The following NME7 variants were observed in gnomAD, a reference collection of about 807,000 sequenced individuals.
The protein encoded by NME7 is NME/NM23 family member 7.
A neutral mutation model predicts 49.1 loss-of-function variants in NME7; 41 were observed. That is an observed-to-expected ratio of 0.83 (90% CI 0.65 to 1.08). NME7 has a LOEUF of 1.08. Among genes scored for constraint, NME7 ranks in the 50% least tolerant of loss-of-function variants. NME7 has a pLI of 0.00. For missense variants in NME7, 423 were observed against 463.4 expected, an observed-to-expected ratio of 0.91 and a Z score of 0.80; for synonymous variants, 139 against 150.6, an observed-to-expected ratio of 0.92 and a Z score of 0.56.
rs548876016 is a variant in NME7, at chr1:169,252,270, G to A, written c.755-14583C>T. 9.2e-5 allele frequency among the ~76,000 whole-genome samples: 14 copies of A among 151,664 alleles called. No individual in the cohort carries two copies. In the East Asian group the frequency reaches 1.9e-3, roughly 21 times the overall value. ...TTGCCATTCTAACTGGTGTGAGATG[G>A]TATCTCATTGTGGTTTTGATTTGCA... On this transcript the variant is annotated intron_variant, in intron 7 of 11. Transcript: ENST00000367811.
rs1333318632 is a variant in NME7 at position 169,298,664 on chromosome 1, G to A, written c.540C>T (p.Asn180=). ...CEWKRLLGPA[N]SGVARTDASE... The stretch of plus-strand genomic sequence containing the variant: ...AAGCATCTGTGCGTGCCACTCCAGA[G>A]TTTGCAGGTCCCAGCAGTCTTTTCC... Residue 180 remains asparagine, a synonymous_variant, in exon 6 of 12, where the codon AAC becomes AAT. Coordinates refer to ENST00000367811, the MANE Select transcript of NME7 (RefSeq NM_013330.5). 6.2e-7 allele frequency: 1 copy of A among 1,613,912 alleles called. No homozygotes were observed. Among genetic ancestry groups the A allele is most frequent in the Non-Finnish European group, 8.5e-7 (1 of 1,179,908 alleles).
intron 7 of NME7, among the ~76,000 whole-genome samples, chr1:169,248,391 GTA>G (rs1203604116): frequency 6.6e-6 from 1 of 152,002 alleles, no homozygotes; most frequent in Non-Finnish European, 1.5e-5. Context: ...TTTGCTAGAT[GTA>G]TAGTTTGCAG....
intron 11 of NME7, among the ~76,000 whole-genome samples, chr1:169,142,915 G>A (rs374259783): frequency 4.1e-4 from 63 of 152,296 alleles, no homozygotes; most frequent in African/African-American, 1.5e-3. Flanking sequence ...CAGCTCATTT[G>A]TAGGGGAGTC....
In NME7 at chr1:169,323,807, T is replaced by C. The variant is rs943956265; in HGVS notation, c.112-524A>G. On this transcript the variant is annotated intron_variant, in intron 2 of 11. Coordinates refer to ENST00000367811, the MANE Select transcript of NME7 (RefSeq NM_013330.5). ...TCTATAATCACTTGTTTATTTCTTA[T>C]CCAAAACATGAATAATCCCATTTCA... Among the ~76,000 whole-genome samples, 12 of 151,094 alleles carry C rather than the reference T, an allele frequency of 7.9e-5. No individual in the cohort carries two copies. The South Asian group carries it at 1.3e-3, about 16-fold the overall frequency.
chr1:169,178,312 G>A (rs745410234), intron 10 of NME7, among the ~76,000 whole-genome samples: 4 of 152,100 alleles, frequency 2.6e-5, no homozygotes, highest in Non-Finnish European at 5.9e-5. Flanking sequence ...GAATTCTTGC[G>A]ATGTGGAAGT....
intron 11 of NME7, among the ~76,000 whole-genome samples, chr1:169,154,610 C>T (rs1275337430): frequency 6.6e-6 from 1 of 151,874 alleles, no homozygotes; most frequent in Non-Finnish European, 1.5e-5. Flanking sequence ...CCAGCCTGGC[C>T]AATATGGTAA....
intron 11 of NME7, among the ~76,000 whole-genome samples, chr1:169,164,166 G>C (rs1659337027): frequency 6.6e-6 from 1 of 151,222 alleles, no homozygotes; most frequent in East Asian, 1.9e-4. Context: ...TCAGTATTTA[G>C]AAAACTGGCT....
At chr1:169,312,544 C>T (rs989339954) in intron 3 of NME7, among the ~76,000 whole-genome samples, 2 of 152,152 alleles carry the variant, frequency 1.3e-5, no homozygotes, top group African/African-American at 4.8e-5. Context: ...AACTTCTTAG[C>T]AATACACGGT....
intron 10 of NME7, among the ~76,000 whole-genome samples, chr1:169,177,058 A>G (rs1659774780): frequency 6.6e-6 from 1 of 152,162 alleles, no homozygotes; most frequent in East Asian, 1.9e-4. Context: ...GGCATTCTTA[A>G]TATCTCCCCG....
At chr1:169,281,513 G>C (rs2101888887) in intron 7 of NME7, among the ~76,000 whole-genome samples, 1 of 152,290 alleles carries the variant, frequency 6.6e-6, no homozygotes, top group Non-Finnish European at 1.5e-5. Flanking sequence ...GTGAGAGAGG[G>C]CATCCTTGTC....
intron 1 of NME7, among the ~76,000 whole-genome samples, chr1:169,359,254 AT>A (rs1459899558): frequency 6.6e-6 from 1 of 151,802 alleles, no homozygotes; most frequent in African/African-American, 2.4e-5. Context: ...CTTTGTTTTT[AT>A]TTGTATTTTT....
chr1:169,151,245 C>T (rs1367647324), intron 11 of NME7, among the ~76,000 whole-genome samples: 1 of 152,132 alleles, frequency 6.6e-6, no homozygotes, highest in African/African-American at 2.4e-5. Context: ...CCTGGGCCAG[C>T]CCTTCACCAA....
At chr1:169,216,478 A>G (rs2101800518) in intron 10 of NME7, among the ~76,000 whole-genome samples, 1 of 152,352 alleles carries the variant, frequency 6.6e-6, no homozygotes, top group East Asian at 1.9e-4. Flanking sequence ...TGGAAACTCC[A>G]CACCCCTTCT....
intron 11 of NME7, among the ~76,000 whole-genome samples, chr1:169,168,053 T>A (rs937450611): frequency 2.2e-4 from 34 of 152,056 alleles, no homozygotes; most frequent in African/African-American, 8.2e-4. Flanking sequence ...TCCTAGTAGA[T>A]AGAAAACACC....
At chr1:169,143,782 C>T (rs549632102) in intron 11 of NME7, among the ~76,000 whole-genome samples, 2 of 152,246 alleles carry the variant, frequency 1.3e-5, no homozygotes, top group South Asian at 4.1e-4. Context: ...CATCACATTT[C>T]TTGTAATATG....
chr1:169,326,577 A>C (rs150586899), intron 1 of NME7, among the ~76,000 whole-genome samples: 197 of 152,296 alleles, frequency 1.3e-3, no homozygotes, highest in African/African-American at 4.4e-3. Flanking sequence ...AAGTGAGCTG[A>C]AACCTGTGCT....
At chr1:169,242,719 G>T (rs1165686056) in intron 7 of NME7, among the ~76,000 whole-genome samples, 1 of 150,226 alleles carries the variant, frequency 6.7e-6, no homozygotes, top group African/African-American at 2.5e-5. Context: ...TTTCAGCAAG[G>T]TTGAAAGATA....
chr1:169,203,656 G>A (rs780512961), intron 10 of NME7, among the ~76,000 whole-genome samples: 35 of 152,100 alleles, frequency 2.3e-4, no homozygotes, highest in Non-Finnish European at 4.4e-4. Context: ...AATCAGGAAG[G>A]AATGCTGGTG....
intron 1 of NME7, among the ~76,000 whole-genome samples, chr1:169,336,464 C>T (rs1029181407): frequency 7.2e-5 from 11 of 152,050 alleles, no homozygotes; most frequent in Non-Finnish European, 1.6e-4. Context: ...TTTACAATCC[C>T]TGAGCTAGAT....
Sources: gnomAD v4.1 joint callset for allele counts (sites outside exome capture counted in the v4.1 genomes callset) on GRCh38, gnomAD v4.1.1 for gene constraint, MANE v1.5 for transcripts, NCBI Gene and HGNC (gene_info 2026-07-23, HGNC 2026-07-21) for gene names.